Variants in DNAH1 observed in about 807,000 individuals in gnomAD.
DNAH1 encodes axonemal beta dynein heavy chain 1.
DNAH1 carries 327 observed loss-of-function variants against 484.3 expected under a neutral mutation model. The observed-to-expected ratio is 0.68, with a 90% CI of 0.62 to 0.74. The LOEUF is 0.74. Among genes scored for constraint, DNAH1 ranks in the 30% least tolerant of loss-of-function variants. The pLI, the probability that DNAH1 is intolerant of heterozygous loss-of-function variation, is 0.00. For synonymous variants in DNAH1, 2,192 were observed against 2,191.9 expected (o/e 1.00, Z 0.00); for missense variants, 5,052 against 5,546.8 (o/e 0.91, Z 2.83).
At position 52,360,046 on chromosome 3, in the gene DNAH1, G is replaced by A. The variant is rs543185981; in HGVS notation, c.4538G>A (p.Ser1513Asn). The change falls in exon 27 of 78, where the codon AGC becomes AAC. Residue 1513 changes from serine to asparagine, a missense_variant. Ser to Asn is a conservative substitution (Grantham distance 46). This residue lies in a region of DNAH1 where 2,929 missense variants were observed against 3,409.4 expected (regional missense o/e 0.86). Transcript: ENST00000420323. Reference sequence around the variant, plus strand: ...AAGCTAATCCAGGAGAACGTGGTCAGCGTGAATGACTTCCAGTGGATCTCA... The same window carrying A: ...AAGCTAATCCAGGAGAACGTGGTCAACGTGAATGACTTCCAGTGGATCTCA... ...VSKLIQENVV[S>N]VNDFQWISQL... The A allele has an allele frequency of 1.2e-6, 2 of 1,613,918 alleles. No homozygotes were observed. Among genetic ancestry groups the A allele is most frequent in the South Asian group, 2.2e-5 (2 of 91,086 alleles).
At chr3:52,313,477 T>C (rs558426809), upstream of DNAH1, among the ~76,000 whole-genome samples, 28 of 152,310 alleles carry the variant, frequency 1.8e-4, no homozygotes, top group Middle Eastern at 3.4e-3. Flanking sequence ...AGCCCCAGGT[T>C]CCTGTCCCAC....
At chr3:52,326,039 C>T in intron 3 of DNAH1, 101 bp from the exon 4 acceptor site, 3 of 1,250,828 alleles carry the variant, frequency 2.4e-6, no homozygotes, top group Non-Finnish European at 3.2e-6. Context: ...TCCCACACTC[C>T]AAAGCATACT....
chr3:52,319,864 C>T (rs1314690415), intron 1 of DNAH1, among the ~76,000 whole-genome samples: 1 of 152,218 alleles, frequency 6.6e-6, no homozygotes, highest in Non-Finnish European at 1.5e-5. Context: ...CTCACACCTT[C>T]TTTGGGACAC....
At position 52,353,387 on chromosome 3, in the gene DNAH1, G is replaced by A. The variant is rs992228169; in HGVS notation, c.3234G>A (p.Gln1078=). The change falls in exon 20 of 78, where the codon CAG becomes CAA. Residue 1078 remains glutamine, a synonymous_variant. Transcript: ENST00000420323. This position sits in a 1 kb window ranked among gnomAD's most constrained non-coding sequence, Gnocchi z 5.0. ...VKQFKDMPAC[Q]EVALDIRARI... is the part of the protein sequence containing the mutation. Reference sequence around the variant, plus strand: ...TTCTGTCTTACCCGGCAGCCTGCCAGGAAGTGGCCTTGGACATCCGGGCCC... The same window carrying A: ...TTCTGTCTTACCCGGCAGCCTGCCAAGAAGTGGCCTTGGACATCCGGGCCC... 1 of 1,609,810 alleles carries A rather than the reference G, an allele frequency of 6.2e-7. No individual in the cohort carries two copies. The highest frequency in any genetic ancestry group is 1.3e-5 in the African/African-American group (1 of 75,010).
Position 52,395,474 on chromosome 3 carries a change from C to T in DNAH1, c.11127+8C>T. The T allele has an allele frequency of 6.2e-7, 1 of 1,613,872 alleles. No individual in the cohort carries two copies. The highest frequency in any genetic ancestry group is 2.2e-5 in the East Asian group (1 of 44,882). On this transcript the variant is annotated splice_region_variant and intron_variant, in intron 69 of 77. Transcript: ENST00000420323. This position sits in a 1 kb window ranked among gnomAD's most constrained non-coding sequence, Gnocchi z 4.4. ...TCCCTGGGCCAGGGGCAGGTCAGGGCTAGGCAGGGAGGAAGGGAGTGGGCT... is the reference window on the plus strand; with the variant it reads ...TCCCTGGGCCAGGGGCAGGTCAGGGTTAGGCAGGGAGGAAGGGAGTGGGCT...
chr3:52,335,849 G>T (rs1231067412), intron 8 of DNAH1, among the ~76,000 whole-genome samples: 1 of 151,402 alleles, frequency 6.6e-6, no homozygotes. Context: ...GGTCAGGCGG[G>T]TCTCAAATTC....
chr3:52,390,913 T>C (rs1422032116), intron 60 of DNAH1, 22 bp from the exon 61 acceptor site: 1 of 1,551,300 alleles, frequency 6.4e-7, no homozygotes, highest in African/African-American at 1.4e-5. Flanking sequence ...TCTGACCCAG[T>C]CCAGTGCCTG....
Position 52,369,936 on chromosome 3 carries a change from A to G in DNAH1, c.6055A>G (p.Ile2019Val), listed in dbSNP as rs760153067. The change falls in exon 38 of 78, where the codon ATC becomes GTC. Residue 2019 changes from isoleucine to valine, a missense_variant. By Grantham distance (29) the Ile-to-Val change is conservative. Transcript: ENST00000420323. ...EPSILGLMPF[I>V]ECWLRKLPPL... ...CAGCATCCTGGGGCTCATGCCCTTC[A>G]TCGAGTGCTGGCTGAGGAAGCTGCC... is the stretch of plus-strand genomic sequence containing the variant. 7 of 1,613,862 alleles carry G rather than the reference A, an allele frequency of 4.3e-6. No individual in the cohort carries two copies. The African/African-American group carries it at 6.7e-5, about 15-fold the overall frequency.
chr3:52,319,984 C>T (rs569492517), intron 1 of DNAH1, among the ~76,000 whole-genome samples: 2 of 152,314 alleles, frequency 1.3e-5, no homozygotes, highest in Admixed American at 1.3e-4. Context: ...CTGCAGTTTC[C>T]TGGACATTTG....
Position 52,363,151 on chromosome 3 carries a change from T to G in DNAH1, c.5244+7T>G. 6.2e-7 allele frequency: 1 copy of G among 1,613,280 alleles called. No homozygotes were observed. The highest frequency in any genetic ancestry group is 8.5e-7 in the Non-Finnish European group (1 of 1,179,392). On this transcript the variant is annotated splice_region_variant and intron_variant, in intron 32 of 77. Coordinates refer to ENST00000420323, the MANE Select transcript of DNAH1 (RefSeq NM_015512.5). ...TGAGCAGCTCAGCTCCCAGGTGTGGTCCTGCCCTGATGGGTTTCCAGGGTC... is the reference window on the plus strand; with the variant it reads ...TGAGCAGCTCAGCTCCCAGGTGTGGGCCTGCCCTGATGGGTTTCCAGGGTC...
rs1268065530 is a variant in DNAH1 at position 52,379,962 on chromosome 3, C to G, written c.7435C>G (p.Arg2479Gly). Residue 2479 changes from arginine (R) to glycine (G), a missense_variant, in exon 48 of 78, where the codon CGA (arginine) becomes GGA (glycine). Transcript: ENST00000420323. The surrounding 1 kb of genome is among the most constrained non-coding windows in gnomAD (Gnocchi z 4.4). The part of the protein sequence containing the change: ...YHENCRVFRD[R>G]LVNEEDRSWF... ...CGAGAACTGCCGCGTGTTCCGGGAC[C>G]GACTGGTGAATGAGGAGGACCGCAG... 1.9e-6 allele frequency: 3 copies of G among 1,583,624 alleles called. No homozygotes were observed. The East Asian group carries it at 7.0e-5, about 37-fold the overall frequency.
intron 8 of DNAH1, among the ~76,000 whole-genome samples, chr3:52,334,890 C>T (rs1701681648): frequency 6.6e-6 from 1 of 151,454 alleles, no homozygotes; most frequent in Admixed American, 6.6e-5. Context: ...GCTCTGTCGC[C>T]CACGCTGGAG....
chr3:52,378,312 C>T (rs558390419), intron 46 of DNAH1, among the ~76,000 whole-genome samples: 1 of 151,818 alleles, frequency 6.6e-6, no homozygotes, highest in Non-Finnish European at 1.5e-5. Context: ...GCAGTAATGG[C>T]CCCGCCCAGC....
chr3:52,374,739 C>T, intron 44 of DNAH1: 1 of 1,237,798 alleles, frequency 8.1e-7, no homozygotes, highest in African/African-American at 1.5e-5. Context: ...ATACAACGCC[C>T]TGAATCTGTT....
chr3:52,389,418 T>G, intron 59 of DNAH1, 43 bp from the exon 60 acceptor site: 1 of 1,609,216 alleles, frequency 6.2e-7, no homozygotes, highest in Non-Finnish European at 8.5e-7. Flanking sequence ...GAGGTCTCTG[T>G]GAGTGTCATG....
intron 77 of DNAH1, among the ~76,000 whole-genome samples, chr3:52,400,109 G>A (rs1559580785): frequency 6.6e-6 from 1 of 152,208 alleles, no homozygotes; most frequent in Non-Finnish European, 1.5e-5. Flanking sequence ...AGAATGAAAA[G>A]TGGCATCAAC....
In DNAH1 at chr3:52,346,783, G is replaced by A. The variant is rs367682367; in HGVS notation, c.1955+13G>A. The A allele has an allele frequency of 2.7e-5, 43 of 1,596,682 alleles. No homozygotes were observed. The highest frequency in any genetic ancestry group is 1.6e-4 in the African/African-American group (12 of 74,636). The stretch of plus-strand genomic sequence containing the variant: ...ACAGCCCCTACAGGTGGGGCCCGGC[G>A]GGGCGGAGGCACCTGTTGACACCAG... On this transcript the variant is annotated intron_variant, in intron 11 of 77. Transcript: ENST00000420323.
At position 52,388,204 on chromosome 3, in the gene DNAH1, C is replaced by A; in HGVS notation, c.9041C>A (p.Pro3014Gln). Residue 3014 changes from proline to glutamine, a missense_variant, in exon 57 of 78, where the codon CCG (proline) becomes CAG (glutamine). Coordinates refer to ENST00000420323, the MANE Select transcript of DNAH1 (RefSeq NM_015512.5). Reference sequence around the variant, plus strand: ...GATGTGGTGATCAAAGCCATCCAGCCGTACATCGATAATGAAGAGTTCCAG... The same window carrying A: ...GATGTGGTGATCAAAGCCATCCAGCAGTACATCGATAATGAAGAGTTCCAG... ...IGDVVIKAIQ[P>Q]YIDNEEFQPA... 6.2e-7 allele frequency: 1 copy of A among 1,609,794 alleles called. No individual in the cohort carries two copies. The highest frequency in any genetic ancestry group is 8.5e-7 in the Non-Finnish European group (1 of 1,178,190).
At chr3:52,385,201 G>A (rs1437102398) in intron 53 of DNAH1, 136 bp from the exon 54 acceptor site, 2 of 1,020,204 alleles carry the variant, frequency 2.0e-6, no homozygotes, top group Non-Finnish European at 2.9e-6. Flanking sequence ...CCTTCCTCTG[G>A]GGTCGGCTGG....
Sources: allele counts gnomAD v4.1 joint callset (sites outside exome capture counted in the v4.1 genomes callset), GRCh38; gene constraint gnomAD v4.1.1; regional missense constraint gnomAD v4.1.1; non-coding constraint Gnocchi (gnomAD v3.1); transcripts MANE v1.5; gene names NCBI Gene and HGNC (gene_info 2026-07-23, HGNC 2026-07-21).